TPRG1: variants seen among roughly 807,000 people sequenced by gnomAD.
The protein encoded by TPRG1 is tumor protein p63 regulated 1.
In TPRG1, 29 loss-of-function variants were observed where a neutral mutation model predicts 29.3. The ratio of observed to expected loss-of-function variants is 0.99; its 90% CI spans 0.74 to 1.35. The LOEUF (loss-of-function observed/expected upper bound fraction) is 1.35. Ranked by LOEUF, TPRG1 falls within the 40% of genes most tolerant of loss-of-function variation. TPRG1 has a pLI of 0.00. For synonymous variants in TPRG1, 130 were observed against 116.8 expected (o/e 1.11, Z -0.73); for missense variants, 327 against 335.0 (o/e 0.98, Z 0.19).
At chr3:189,059,238 T>C (rs1168714955) in intron 4 of TPRG1, among the ~76,000 whole-genome samples, 1 of 152,204 alleles carries the variant, frequency 6.6e-6, no homozygotes, top group Non-Finnish European at 1.5e-5. Context: ...CCAAGCACTT[T>C]CTGTGCCAGA....
chr3:189,111,909 T>C (rs2378472), intron 1 of TPRG1, among the ~76,000 whole-genome samples: 57,627 of 151,998 alleles, frequency 0.38, 12,631 homozygotes, highest in African/African-American at 0.58. Flanking sequence ...CATTCAGTTT[T>C]TCATCATTTG....
At chr3:189,281,063 A>G (rs908943975) in intron 4 of TPRG1, among the ~76,000 whole-genome samples, 2 of 152,228 alleles carry the variant, frequency 1.3e-5, no homozygotes, top group African/African-American at 2.4e-5. Flanking sequence ...GACATGTTAT[A>G]GGACTTGCCA....
chr3:189,114,059 T>G (rs1432813969), intron 1 of TPRG1, among the ~76,000 whole-genome samples: 1 of 152,184 alleles, frequency 6.6e-6, no homozygotes, highest in Non-Finnish European at 1.5e-5. Context: ...CACATTAAAA[T>G]TTTTACTTTA....
chr3:189,149,689 C>T (rs950749612), intron 4 of TPRG1, among the ~76,000 whole-genome samples: 5 of 152,182 alleles, frequency 3.3e-5, no homozygotes, highest in East Asian at 1.9e-4. Flanking sequence ...TCTTTACTCA[C>T]GCCTTGCCCA....
intron 2 of TPRG1, among the ~76,000 whole-genome samples, chr3:189,131,045 C>T (rs969966723): frequency 2.6e-5 from 4 of 152,144 alleles, no homozygotes; most frequent in African/African-American, 7.2e-5. Flanking sequence ...CTCTAAGTAA[C>T]GTGATCGTAT....
chr3:189,198,413 A>G (rs1297087960), intron 1 of TPRG1, among the ~76,000 whole-genome samples: 2 of 152,316 alleles, frequency 1.3e-5, no homozygotes, highest in South Asian at 2.1e-4. Context: ...CCACTAGACT[A>G]TGAGCTTCTA....
In TPRG1 at chr3:189,183,233, G is replaced by T. The variant is rs139286533; in HGVS notation, c.-10+11102G>T. ...GTTCCATGATGCCCCGCAAGCCACA[G>T]AACCAGCAAGTTTTTATTAGGGACT... On this transcript the variant is annotated intron_variant, in intron 1 of 5. Transcript: ENST00000345063. Among the ~76,000 whole-genome samples the T allele has an allele frequency of 1.7e-3, 266 of 152,276 alleles. 1 individual carries two copies. Among genetic ancestry groups the T allele is most frequent in the South Asian group, 4.6e-3 (22 of 4,818 alleles).
At chr3:189,151,622 T>A (rs893362703) in intron 5 of TPRG1, among the ~76,000 whole-genome samples, 1 of 152,162 alleles carries the variant, frequency 6.6e-6, no homozygotes, top group Non-Finnish European at 1.5e-5. Context: ...GGCTCATGCC[T>A]GTAATCCCAG....
chr3:189,123,685 T>G (rs1395861632), intron 1 of TPRG1: 1 of 152,218 alleles, frequency 6.6e-6, no homozygotes, highest in Non-Finnish European at 1.5e-5. Context: ...CATGTTGTCT[T>G]ATCAGCATTT....
At chr3:189,284,352 C>T (rs868077696) in intron 4 of TPRG1, among the ~76,000 whole-genome samples, 3 of 119,616 alleles carry the variant, frequency 2.5e-5, no homozygotes, top group Admixed American at 9.0e-5. Context: ...CCCTCCCCCC[C>T]CCTCCCCCCA....
chr3:189,248,898 A>T (rs1741744657), intron 4 of TPRG1, among the ~76,000 whole-genome samples: 1 of 151,036 alleles, frequency 6.6e-6, no homozygotes, highest in South Asian at 2.1e-4. Flanking sequence ...TCTGCTTTCT[A>T]CTTTCTCTCT....
chr3:189,296,461 T>C (rs186730471), intron 4 of TPRG1, among the ~76,000 whole-genome samples: 1 of 152,200 alleles, frequency 6.6e-6, no homozygotes, highest in Non-Finnish European at 1.5e-5. Flanking sequence ...AGGATATATA[T>C]ACAATTATAC....
intron 3 of TPRG1, among the ~76,000 whole-genome samples, chr3:189,223,474 TATA>T (rs1350309391): frequency 3.3e-5 from 5 of 152,344 alleles, no homozygotes; most frequent in African/African-American, 1.2e-4. Context: ...TGCTTTTCTC[TATA>T]AATTCACCAT....
At chr3:189,304,062 G>A (rs1202721859) in intron 4 of TPRG1, among the ~76,000 whole-genome samples, 1 of 149,360 alleles carries the variant, frequency 6.7e-6, no homozygotes, top group African/African-American at 2.5e-5. Context: ...TCAGGTCTTA[G>A]TATCCTTCTG....
At chr3:189,235,727 G>C (rs1739353929) in intron 3 of TPRG1, among the ~76,000 whole-genome samples, 1 of 152,154 alleles carries the variant, frequency 6.6e-6, no homozygotes, top group Admixed American at 6.5e-5. Flanking sequence ...AAGGTTGGTA[G>C]TACTGAGGAG....
upstream of TPRG1, among the ~76,000 whole-genome samples, chr3:189,171,520 C>T (rs1004683799): frequency 6.6e-6 from 1 of 152,236 alleles, no homozygotes; most frequent in African/African-American, 2.4e-5. Flanking sequence ...GGCACATTTC[C>T]TAATAGGAAT....
At chr3:189,222,755 G>C (rs1578896435) in intron 3 of TPRG1, among the ~76,000 whole-genome samples, 1 of 152,320 alleles carries the variant, frequency 6.6e-6, no homozygotes, top group African/African-American at 2.4e-5. Flanking sequence ...TGTCATGACT[G>C]AGTTTCTTGC....
At chr3:189,215,155 T>C (rs1735868987) in intron 2 of TPRG1, 137 bp from the exon 3 acceptor site, 2 of 586,786 alleles carry the variant, frequency 3.4e-6, no homozygotes. Context: ...GGAAGGCAGT[T>C]AGGCATACAG....
At chr3:189,262,033 G>A (rs1012928535) in intron 4 of TPRG1, among the ~76,000 whole-genome samples, 2 of 152,150 alleles carry the variant, frequency 1.3e-5, no homozygotes, top group East Asian at 3.9e-4. Context: ...TTGACATTTT[G>A]CCTCAAAAAG....
Sources: allele counts gnomAD v4.1 joint callset (sites outside exome capture counted in the v4.1 genomes callset), GRCh38; gene constraint gnomAD v4.1.1; transcripts MANE v1.5; gene names NCBI Gene and HGNC (gene_info 2026-07-23, HGNC 2026-07-21).